CFAP52: variants seen among roughly 807,000 people sequenced by gnomAD.
The protein encoded by CFAP52 is cilia and flagella associated protein 52.
CFAP52 carries 57 observed loss-of-function variants against 70.5 expected under a neutral mutation model. The observed-to-expected ratio is 0.81, with a 90% CI of 0.65 to 1.01. The LOEUF (loss-of-function observed/expected upper bound fraction) is 1.01, where lower values mean the gene tolerates loss of function less well. CFAP52 is among the 50% of genes least tolerant of loss of function. The pLI is 0.00. For missense variants in CFAP52, 785 were observed against 788.5 expected, an observed-to-expected ratio of 1.00 and a Z score of 0.05; for synonymous variants, 267 against 292.5, an observed-to-expected ratio of 0.91 and a Z score of 0.89.
intron 8 of CFAP52, among the ~76,000 whole-genome samples, chr17:9,615,284 G>A (rs1050324364): frequency 2.0e-5 from 3 of 152,158 alleles, no homozygotes. Flanking sequence ...TGTTAGGTTG[G>A]TGCAAAAATA....
rs145130650 is a variant in CFAP52, at chr17:9,608,200, C to T, written c.835C>T (p.Pro279Ser). The change falls in exon 7 of 14, where the codon CCT becomes TCT. Residue 279 changes from proline to serine, a missense_variant. Coordinates refer to ENST00000352665, the MANE Select transcript of CFAP52 (RefSeq NM_145054.5). ...CGGACTGCTGGTCTTCTGTAAAAGC[C>T]CTGGCTACAAACCCATCAAGTAAGT... The part of the protein sequence containing the change: ...GAGLLVFCKS[P>S]GYKPIKKIQL... 63 of 1,610,020 alleles carry T rather than the reference C, an allele frequency of 3.9e-5. No individual in the cohort carries two copies. In the African/African-American group the frequency reaches 8.0e-4, roughly 20 times the overall value.
At position 9,643,159 on chromosome 17, in the gene CFAP52, T is replaced by C; in HGVS notation, c.1824T>C (p.Asp608=). 1 of 1,612,868 alleles carries C rather than the reference T, an allele frequency of 6.2e-7. No individual in the cohort carries two copies. Among genetic ancestry groups the C allele is most frequent in the South Asian group, 1.1e-5 (1 of 90,622 alleles). The change falls in exon 14 of 14, where the codon GAT becomes GAC. Residue 608 remains aspartate (D), a synonymous_variant. Coordinates refer to ENST00000352665, the MANE Select transcript of CFAP52 (RefSeq NM_145054.5). Reference sequence around the variant, plus strand: ...AATATATTGTTAGTGTAAGTGCCGATGGAGCCATTTTGCGATGGAAGTACC... The same window carrying C: ...AATATATTGTTAGTGTAAGTGCCGACGGAGCCATTTTGCGATGGAAGTACC... The part of the protein sequence containing the change: ...GNQYIVSVSA[D]GAILRWKYPY...
intron 8 of CFAP52, among the ~76,000 whole-genome samples, chr17:9,622,427 CT>C (rs1262955134): frequency 1.3e-5 from 2 of 151,828 alleles, no homozygotes; most frequent in African/African-American, 4.8e-5. Context: ...GTTGGTGGCA[CT>C]GCCTCTAGTC....
intron 3 of CFAP52, among the ~76,000 whole-genome samples, chr17:9,588,464 G>A (rs1231831014): frequency 2.6e-5 from 4 of 152,206 alleles, no homozygotes; most frequent in Non-Finnish European, 4.4e-5. Flanking sequence ...TCAAGCAGCG[G>A]AGGCAGGGCA....
chr17:9,577,952 C>A (rs532519929), intron 1 of CFAP52, among the ~76,000 whole-genome samples: 6 of 152,086 alleles, frequency 3.9e-5, no homozygotes, highest in African/African-American at 1.4e-4. Context: ...ATTATCCGGG[C>A]GTGGTGGTAG....
At chr17:9,596,722 G>GT (rs369625026) in intron 4 of CFAP52, among the ~76,000 whole-genome samples, 57 of 147,410 alleles carry the variant, frequency 3.9e-4, no homozygotes, top group South Asian at 8.7e-4. Flanking sequence ...GTGTGTGTGT[G>GT]TTTTTTTTTT....
intron 12 of CFAP52, among the ~76,000 whole-genome samples, chr17:9,641,508 C>G (rs546109847): frequency 6.6e-6 from 1 of 152,334 alleles, no homozygotes; most frequent in East Asian, 1.9e-4. Flanking sequence ...AGCACATCAA[C>G]ATGTCTTTAA....
intron 5 of CFAP52, among the ~76,000 whole-genome samples, chr17:9,599,791 G>T (rs1035486095): frequency 6.6e-6 from 1 of 151,726 alleles, no homozygotes; most frequent in Admixed American, 6.6e-5. Context: ...GCCCAGGCTG[G>T]AGTGCAATGG....
At chr17:9,594,893 G>A (rs566368750) in intron 4 of CFAP52, among the ~76,000 whole-genome samples, 2 of 130,762 alleles carry the variant, frequency 1.5e-5, no homozygotes, top group African/African-American at 5.7e-5. Flanking sequence ...ATTAGGGAGG[G>A]TTTTTTTTTT....
downstream of CFAP52, chr17:9,643,477 T>C (rs369998975): frequency 3.6e-6 from 1 of 274,386 alleles, no homozygotes; most frequent in Non-Finnish European, 6.7e-6. Flanking sequence ...TCTGCAACTC[T>C]GCAAAACCCA....
At chr17:9,592,701 T>G (rs1354359131) in intron 3 of CFAP52, among the ~76,000 whole-genome samples, 5 of 152,218 alleles carry the variant, frequency 3.3e-5, no homozygotes. Flanking sequence ...GTATTTCATT[T>G]TTTATCATCA....
At chr17:9,623,159 G>T (rs1910112045) in intron 8 of CFAP52, among the ~76,000 whole-genome samples, 1 of 151,860 alleles carries the variant, frequency 6.6e-6, no homozygotes, top group African/African-American at 2.4e-5. Context: ...ATATCTTTTT[G>T]CTGTATTGAC....
At chr17:9,610,407 G>A (rs1253806277) in intron 7 of CFAP52, 2 of 152,138 alleles carry the variant, frequency 1.3e-5, no homozygotes, top group Non-Finnish European at 2.9e-5. Flanking sequence ...CAGATGCGGT[G>A]GTTTCCACCT....
At chr17:9,629,192 G>A (rs1386015252) in intron 9 of CFAP52, among the ~76,000 whole-genome samples, 1 of 152,150 alleles carries the variant, frequency 6.6e-6, no homozygotes, top group Non-Finnish European at 1.5e-5. Context: ...GTCTCAAAGG[G>A]AATTTATTTT....
chr17:9,639,408 G>A (rs1055617131), intron 12 of CFAP52, among the ~76,000 whole-genome samples: 2 of 151,624 alleles, frequency 1.3e-5, no homozygotes, highest in African/African-American at 4.9e-5. Flanking sequence ...TCCAGTCTGG[G>A]TGACAGAGCA....
chr17:9,635,297 A>G (rs1285680087), intron 10 of CFAP52, 108 bp from the exon 11 acceptor site: 4 of 1,490,924 alleles, frequency 2.7e-6, no homozygotes, highest in Non-Finnish European at 3.6e-6. Context: ...CAGGGAATTA[A>G]AAAAACACAA....
intron 8 of CFAP52, among the ~76,000 whole-genome samples, chr17:9,626,214 T>C (rs2654718): frequency 0.37 from 55,787 of 151,974 alleles, 12,319 homozygotes; most frequent in African/African-American, 0.63. Flanking sequence ...GGCCATCAAG[T>C]GTAGAGAGTT....
In CFAP52 at chr17:9,632,955, T is replaced by G. The variant is rs569426203; in HGVS notation, c.1242T>G (p.Asn414Lys). The G allele has an allele frequency of 1.2e-6, 2 of 1,614,204 alleles. No individual in the cohort carries two copies. The highest frequency in any genetic ancestry group is 1.7e-6 in the Non-Finnish European group (2 of 1,180,030). The change falls in exon 10 of 14, where the codon AAT becomes AAG. Residue 414 changes from asparagine (N) to lysine (K), a missense_variant. By Grantham distance (94) the Asn-to-Lys change is moderately conservative (BLOSUM62 0). Coordinates refer to ENST00000352665, the MANE Select transcript of CFAP52 (RefSeq NM_145054.5). ...ETGRLMYVIN[N>K]AHRIGVTAIA... Reference sequence around the variant, plus strand: ...GCCGACTGATGTATGTCATTAACAATGCTCACAGGATCGGCGTCACCGCCA... The same window carrying G: ...GCCGACTGATGTATGTCATTAACAAGGCTCACAGGATCGGCGTCACCGCCA...
chr17:9,604,390 T>C (rs562032417), intron 6 of CFAP52, among the ~76,000 whole-genome samples: 85 of 152,294 alleles, frequency 5.6e-4, no homozygotes, highest in African/African-American at 1.9e-3. Context: ...ATAAGGACTG[T>C]TACCCAAAAT....
Sources: allele counts gnomAD v4.1 joint callset (sites outside exome capture counted in the v4.1 genomes callset), GRCh38; gene constraint gnomAD v4.1.1; transcripts MANE v1.5; gene names NCBI Gene and HGNC (gene_info 2026-07-23, HGNC 2026-07-21).